The following RXYLT1 variants were observed in gnomAD, a reference collection of about 807,000 sequenced individuals.
RXYLT1 encodes ribitol-5-phosphate xylosyltransferase 1.
In RXYLT1, 41 loss-of-function variants were observed where a neutral mutation model predicts 43.5. The ratio of observed to expected loss-of-function variants is 0.94; its 90% CI spans 0.73 to 1.22. The LOEUF is 1.22. Ranked by LOEUF, RXYLT1 falls within the 50% of genes most tolerant of loss-of-function variation. The probability of loss-of-function intolerance (pLI) is 0.00; values close to 1 mark genes in which losing one functional copy is unlikely to be tolerated. For synonymous variants in RXYLT1, 166 were observed against 194.4 expected, an observed-to-expected ratio of 0.85 and a Z score of 1.21; for missense variants, 514 against 532.0, an observed-to-expected ratio of 0.97 and a Z score of 0.33.
In RXYLT1 at chr12:63,802,220, T is replaced by C. The variant is rs1203594284; in HGVS notation, c.558T>C (p.Asn186=). 6.2e-7 allele frequency: 1 copy of C among 1,614,124 alleles called. No individual in the cohort carries two copies. The change falls in exon 4 of 6, where the codon AAT becomes AAC. Residue 186 remains asparagine, a synonymous_variant. Transcript: ENST00000261234. ...YATQWLLYAQ[N]LVQIQKLQHL... ...CCCAGTGGTTACTTTATGCACAAAA[T>C]TTAGTGCAAATTCAAAAACTCCAGC... is the stretch of plus-strand genomic sequence containing the variant.
At chr12:63,783,563 A>T (rs1477292365) in intron 2 of RXYLT1, among the ~76,000 whole-genome samples, 1 of 152,108 alleles carries the variant, frequency 6.6e-6, no homozygotes, top group African/African-American at 2.4e-5. Context: ...CACTTTCTTG[A>T]GTCTTCACTA....
chr12:63,779,982 C>T lies in RXYLT1; in HGVS notation c.22C>T (p.Leu8Phe). Residue 8 changes from leucine (L) to phenylalanine (F), a missense_variant, in exon 1 of 6, where the codon CTC (leucine) becomes TTC (phenylalanine). By Grantham distance (22) the Leu-to-Phe change is conservative (BLOSUM62 0). Transcript: ENST00000261234. MRLTRKR[L>F]CSFLIALYCL... ...TGGGATGCGGCTGACGCGGAAGCGGCTCTGCTCGTTTCTTATCGCCCTGTA... is the reference window on the plus strand; with the variant it reads ...TGGGATGCGGCTGACGCGGAAGCGGTTCTGCTCGTTTCTTATCGCCCTGTA... 6.2e-7 allele frequency: 1 copy of T among 1,611,172 alleles called. No individual in the cohort carries two copies. The highest frequency in any genetic ancestry group is 8.5e-7 in the Non-Finnish European group (1 of 1,178,912).
intron 4 of RXYLT1, chr12:63,804,200 C>G (rs1488257611): frequency 1.3e-5 from 2 of 152,248 alleles, no homozygotes; most frequent in Non-Finnish European, 2.9e-5. Flanking sequence ...GTTGTCACAA[C>G]TGGTATCTAG....
intron 4 of RXYLT1, chr12:63,803,896 C>G (rs1391137652): frequency 6.6e-6 from 1 of 150,670 alleles, no homozygotes; most frequent in Non-Finnish European, 1.5e-5. Context: ...CTCTGTCACC[C>G]CAGCTGGAGT....
intron 3 of RXYLT1, among the ~76,000 whole-genome samples, chr12:63,786,426 A>C (rs1002473446): frequency 3.3e-5 from 5 of 152,190 alleles, no homozygotes; most frequent in Non-Finnish European, 4.4e-5. Context: ...AAAGCAAGTC[A>C]TATGAATTTT....
At chr12:63,789,382 AGAAAGACCTGCCCCCAT>A (rs762048000) in intron 3 of RXYLT1, among the ~76,000 whole-genome samples, 1 of 152,162 alleles carries the variant, frequency 6.6e-6, no homozygotes, top group Non-Finnish European at 1.5e-5. Context: ...GAACAGTACA[AGAAAGACCTGCCCCCAT>A]GATTCAATTA....
Position 63,804,938 on chromosome 12 carries a change from T to G in RXYLT1, c.744-296T>G, listed in dbSNP as rs78691954. 0.035 allele frequency: 8,844 copies of G among 249,666 alleles called. 215 individuals carry two copies. The highest frequency in any genetic ancestry group is 0.068 in the Middle Eastern group (52 of 768). The allele number at this position is 249,666 out of a possible 1,614,324, so 15.5% of individuals were successfully genotyped here. The stretch of plus-strand genomic sequence containing the variant: ...CTTTATACTTTGAAGGTTTTGAATG[T>G]AACATGCCTAACAGCTGCAGATGAG... On this transcript the variant is annotated intron_variant, in intron 4 of 5. Transcript: ENST00000261234.
chr12:63,792,653 T>C (rs931249172), intron 3 of RXYLT1, among the ~76,000 whole-genome samples: 1 of 152,292 alleles, frequency 6.6e-6, no homozygotes, highest in Non-Finnish European at 1.5e-5. Flanking sequence ...CAGCAACATA[T>C]GAAGTGGTTG....
At chr12:63,808,505 C>T (rs981898063) in intron 5 of RXYLT1, 170 bp from the exon 6 acceptor site, 3 of 665,304 alleles carry the variant, frequency 4.5e-6, no homozygotes, top group South Asian at 2.3e-5. Flanking sequence ...AATTCTTCAA[C>T]ATTTTTAAGA....
At position 63,782,304 on chromosome 12, in the gene RXYLT1, T is replaced by A. The variant is rs1331272591; in HGVS notation, c.325+1130T>A. ...CACTGGTCCAAGCAATTTTGAAATC[T>A]AAATTTCATCTAAATGGCCAGCTCC... On this transcript the variant is annotated intron_variant, in intron 2 of 5. Transcript: ENST00000261234. Among the ~76,000 whole-genome samples the A allele has an allele frequency of 2.0e-5, 3 of 152,248 alleles. No individual in the cohort carries two copies. In the East Asian group the frequency reaches 5.8e-4, roughly 29 times the overall value.
At chr12:63,800,640 G>C (rs1178634200) in intron 3 of RXYLT1, among the ~76,000 whole-genome samples, 1 of 152,120 alleles carries the variant, frequency 6.6e-6, no homozygotes, top group Admixed American at 6.5e-5. Flanking sequence ...AAGAGAGTAG[G>C]CTGAGCACAG....
chr12:63,794,265 C>T (rs188669991), intron 3 of RXYLT1, among the ~76,000 whole-genome samples: 1 of 152,146 alleles, frequency 6.6e-6, no homozygotes. Flanking sequence ...ACACTCAGAT[C>T]TCTATTATAG....
At chr12:63,780,622 G>T (rs931949556) in intron 1 of RXYLT1, among the ~76,000 whole-genome samples, 1 of 152,146 alleles carries the variant, frequency 6.6e-6, no homozygotes, top group Non-Finnish European at 1.5e-5. Flanking sequence ...AATTTTGCAC[G>T]ATAGTATCTA....
chr12:63,793,568 A>C (rs1250028839), intron 3 of RXYLT1, among the ~76,000 whole-genome samples: 1 of 152,180 alleles, frequency 6.6e-6, no homozygotes, highest in African/African-American at 2.4e-5. Context: ...ATTAATATAT[A>C]ATATTTCTAC....
intron 2 of RXYLT1, chr12:63,782,701 A>C (rs533334491): frequency 2.2e-6 from 1 of 445,838 alleles, no homozygotes; most frequent in South Asian, 1.6e-5. Context: ...GGCTGAGGAG[A>C]CCTGTAAGTC....
Position 63,802,347 on chromosome 12 carries a change from T to A in RXYLT1, c.685T>A (p.Tyr229Asn). 1 of 1,609,420 alleles carries A rather than the reference T, an allele frequency of 6.2e-7. No homozygotes were observed. Among genetic ancestry groups the A allele is most frequent in the Non-Finnish European group, 8.5e-7 (1 of 1,176,556 alleles). ...GGFVELLFII[Y>N]DSPWINDVDV... ...CTTCGTGGAGCTGCTTTTCATAATA[T>A]ATGACAGCCCCTGGATTAATGACGT... is the stretch of plus-strand genomic sequence containing the variant. The change falls in exon 4 of 6, where the codon TAT (tyrosine) becomes AAT (asparagine). Residue 229 changes from tyrosine to asparagine, a missense_variant. Tyr to Asn is a moderately radical substitution (Grantham distance 143, BLOSUM62 -2). Transcript: ENST00000261234.
At chr12:63,804,167 A>ATTGTCACAACTGGAGGAAAGAGG (rs1898231061) in intron 4 of RXYLT1, 1 of 152,192 alleles carries the variant, frequency 6.6e-6, no homozygotes. Context: ...GACGTTTTTG[A>ATTGTCACAACTGGAGGAAAGAGG]TTGTCACAAC....
At position 63,802,113 on chromosome 12, in the gene RXYLT1, A is replaced by T; in HGVS notation, c.451A>T (p.Ile151Leu). The T allele has an allele frequency of 1.2e-6, 2 of 1,603,542 alleles. No individual in the cohort carries two copies. The highest frequency in any genetic ancestry group is 8.5e-7 in the Non-Finnish European group (1 of 1,174,478). Residue 151 changes from isoleucine to leucine, a missense_variant, in exon 4 of 6, where the codon ATA (isoleucine) becomes TTA (leucine). Coordinates refer to ENST00000261234, the MANE Select transcript of RXYLT1 (RefSeq NM_014254.3). ...QYSFITGPAV[I>L]PGYFSVDVNN... The stretch of plus-strand genomic sequence containing the variant: ...CAGCTTCATCACTGGTCCAGCTGTA[A>T]TACCAGGGTACTTCTCCGTTGATGT...
At chr12:63,798,601 G>T (rs891901379) in intron 3 of RXYLT1, among the ~76,000 whole-genome samples, 13 of 152,180 alleles carry the variant, frequency 8.5e-5, no homozygotes, top group African/African-American at 2.7e-4. Flanking sequence ...ACTGATACTT[G>T]ATATCTTTCA....
Sources: gnomAD v4.1 joint callset for allele counts (sites outside exome capture counted in the v4.1 genomes callset) on GRCh38, gnomAD v4.1.1 for gene constraint, MANE v1.5 for transcripts, NCBI Gene and HGNC (gene_info 2026-07-23, HGNC 2026-07-21) for gene names.